The following SMIM17 variants were observed in gnomAD, a reference collection of about 807,000 sequenced individuals.
The protein encoded by SMIM17 is small integral membrane protein 17.
SMIM17 carries 10 observed loss-of-function variants against 12.2 expected under a neutral mutation model. The ratio of observed to expected loss-of-function variants is 0.82; its 90% CI spans 0.50 to 1.39. The LOEUF is 1.39. Among genes scored for constraint, SMIM17 ranks in the 40% most tolerant of loss-of-function variants. SMIM17 has a pLI of 0.00. For missense variants in SMIM17, 136 were observed against 118.2 expected, an observed-to-expected ratio of 1.15 and a Z score of -0.70; for synonymous variants, 50 against 44.1, an observed-to-expected ratio of 1.13 and a Z score of -0.53.
rs888448798 is a variant in SMIM17, at chr19:56,657,118, A to G, written c.*1905A>G. 6.6e-6 allele frequency among the ~76,000 whole-genome samples: 1 copy of G among 152,190 alleles called. No individual in the cohort carries two copies. Among genetic ancestry groups the G allele is most frequent in the Non-Finnish European group, 1.5e-5 (1 of 68,030 alleles). The stretch of plus-strand genomic sequence containing the variant: ...TTATAATCTTTGCTTTATGTACTCA[A>G]CAGCTGTGTAATTCGAGGCATATAA... On this transcript the variant is annotated 3_prime_UTR_variant, in exon 4 of 4. Transcript: ENST00000598409.
chr19:56,649,314 G>A (rs73059486), intron 3 of SMIM17, among the ~76,000 whole-genome samples: 2,666 of 152,264 alleles, frequency 0.018, 37 homozygotes, highest in Non-Finnish European at 0.027. Flanking sequence ...CTCATTGCAC[G>A]TCTATTTCTT....
rs572857222 is a variant in SMIM17, at chr19:56,655,538, A to G, written c.*325A>G. On this transcript the variant is annotated 3_prime_UTR_variant, in exon 4 of 4. Coordinates refer to ENST00000598409, the MANE Select transcript of SMIM17 (RefSeq NM_001193628.2). ...TGAAAAAATGTGCAACTGAAGATCA[A>G]TGAAATCTGGTACATTTCCTAACAT... 47 of 331,228 alleles carry G rather than the reference A, an allele frequency of 1.4e-4. No homozygotes were observed. The highest frequency in any genetic ancestry group is 2.1e-4 in the Non-Finnish European group (38 of 184,158). The allele number at this position is 331,228 out of a possible 1,614,324, so 20.5% of individuals were successfully genotyped here. A position where few individuals can be genotyped will look rare whatever the true frequency, so the allele number is the denominator to read the frequency against.
chr19:56,653,556 A>G (rs2045125706), intron 3 of SMIM17, among the ~76,000 whole-genome samples: 1 of 152,184 alleles, frequency 6.6e-6, no homozygotes, highest in African/African-American at 2.4e-5. Context: ...AGTTGGCCCA[A>G]TTTTACGCAT....
At chr19:56,647,716 T>G (rs948209120) in intron 3 of SMIM17, 82 bp downstream of exon 3, 91 of 1,207,342 alleles carry the variant, frequency 7.5e-5, no homozygotes, top group Middle Eastern at 1.9e-4. Flanking sequence ...ATTCTCAGCT[T>G]GGAATTTACC....
chr19:56,646,116 T>G (rs1015862102), intron 2 of SMIM17, among the ~76,000 whole-genome samples: 5 of 152,156 alleles, frequency 3.3e-5, no homozygotes, highest in African/African-American at 1.2e-4. Flanking sequence ...AGAGAGCTGG[T>G]GAGGCCACTG....
chr19:56,653,745 A>T (rs1318491186), intron 3 of SMIM17, among the ~76,000 whole-genome samples: 1 of 152,218 alleles, frequency 6.6e-6, no homozygotes, highest in African/African-American at 2.4e-5. Flanking sequence ...GTTGTAAAGG[A>T]AGATTTGAAA....
chr19:56,647,483 A>G, intron 2 of SMIM17, 75 bp from the exon 3 acceptor site: 1 of 1,059,394 alleles, frequency 9.4e-7, no homozygotes, highest in South Asian at 1.5e-5. Flanking sequence ...ACAAGATGCC[A>G]GTGGGAAGAG....
In SMIM17 at chr19:56,656,135, G is replaced by A. The variant is rs1423053598; in HGVS notation, c.*922G>A. On this transcript the variant is annotated 3_prime_UTR_variant, in exon 4 of 4. Coordinates refer to ENST00000598409, the MANE Select transcript of SMIM17 (RefSeq NM_001193628.2). ...AATTTTTTGTATTTTTAGTAGAGAC[G>A]GGGTTTCACCGTGTTAGCCAGGATG... Among the ~76,000 whole-genome samples the A allele has an allele frequency of 2.6e-5, 4 of 151,714 alleles. No homozygotes were observed. Among genetic ancestry groups the A allele is most frequent in the Non-Finnish European group, 4.4e-5 (3 of 67,912 alleles).
rs1029124787 is a variant in SMIM17 at position 56,655,937 on chromosome 19, G to A, written c.*724G>A. Among the ~76,000 whole-genome samples, 12 of 148,144 alleles carry A rather than the reference G, an allele frequency of 8.1e-5. No homozygotes were observed. The highest frequency in any genetic ancestry group is 2.2e-4 in the South Asian group (1 of 4,638). On this transcript the variant is annotated 3_prime_UTR_variant, in exon 4 of 4. Transcript: ENST00000598409. ...TTTTACCTCTTGCATTTATTTTGGC[G>A]AATTACAGAGGTTTTTGTTTTTTTT...
chr19:56,645,651 C>A lies in SMIM17; in HGVS notation c.-17C>A. The A allele has an allele frequency of 6.8e-7, 1 of 1,463,462 alleles. No individual in the cohort carries two copies. Among genetic ancestry groups the A allele is most frequent in the Non-Finnish European group, 9.0e-7 (1 of 1,112,718 alleles). 90.7% of individuals were successfully genotyped at this position (1,463,462 alleles called of 1,614,324 possible). ...AAAGAGAAGCTTGTCTCAGAAGCTC[C>A]ACCTCCTCCTGGGGCAATGCAGAGT... On this transcript the variant is annotated 5_prime_UTR_variant, in exon 2 of 4. Coordinates refer to ENST00000598409, the MANE Select transcript of SMIM17 (RefSeq NM_001193628.2).
At chr19:56,651,627 T>C (rs545126340) in intron 3 of SMIM17, among the ~76,000 whole-genome samples, 1 of 152,258 alleles carries the variant, frequency 6.6e-6, no homozygotes, top group East Asian at 1.9e-4. Context: ...ACAGGCCAAA[T>C]TCATCCATAG....
chr19:56,650,725 A>ACGTT (rs1327117807), intron 3 of SMIM17, among the ~76,000 whole-genome samples: 1 of 152,148 alleles, frequency 6.6e-6, no homozygotes, highest in Non-Finnish European at 1.5e-5. Context: ...ACATTTCCAG[A>ACGTT]CCTGTGGAAC....
At chr19:56,643,940 C>T (rs969050535) in intron 1 of SMIM17, among the ~76,000 whole-genome samples, 2 of 152,052 alleles carry the variant, frequency 1.3e-5, no homozygotes, top group Non-Finnish European at 1.5e-5. Flanking sequence ...GTTGTGACTG[C>T]GTCTCCATTC....
intron 3 of SMIM17, among the ~76,000 whole-genome samples, chr19:56,650,804 G>A (rs1469727352): frequency 6.6e-6 from 1 of 152,240 alleles, no homozygotes; most frequent in Non-Finnish European, 1.5e-5. Flanking sequence ...ACAGGGTAGA[G>A]GGAGGTTCTA....
intron 1 of SMIM17, among the ~76,000 whole-genome samples, 182 bp downstream of exon 1, chr19:56,643,392 C>T (rs964636804): frequency 1.3e-5 from 2 of 152,192 alleles, no homozygotes; most frequent in East Asian, 1.9e-4. Flanking sequence ...TCTCCAAGCC[C>T]GTCCGGTGGG....
intron 3 of SMIM17, among the ~76,000 whole-genome samples, chr19:56,651,569 T>C (rs542877196): frequency 1.3e-5 from 2 of 152,236 alleles, no homozygotes; most frequent in South Asian, 2.1e-4. Flanking sequence ...TGCATGAGAT[T>C]TTAAAAAGAT....
chr19:56,646,540 C>G (rs897967922), intron 2 of SMIM17, among the ~76,000 whole-genome samples: 4 of 152,140 alleles, frequency 2.6e-5, no homozygotes, highest in African/African-American at 7.2e-5. Flanking sequence ...ACCCTCCCCC[C>G]ACAGAAAGAA....
chr19:56,655,329 C>G lies in SMIM17; in HGVS notation c.*116C>G. The G allele has an allele frequency of 1.9e-6, 1 of 520,332 alleles. No homozygotes were observed. The highest frequency in any genetic ancestry group is 3.4e-6 in the Non-Finnish European group (1 of 290,464). 32.2% of individuals were successfully genotyped at this position (520,332 alleles called of 1,614,324 possible). On this transcript the variant is annotated 3_prime_UTR_variant, in exon 4 of 4. Transcript: ENST00000598409. ...ATAGGTGTTGAATATTTTCAAATGCCTTTCAAACATCCTTTGAGATGATTT... is the reference window on the plus strand; with the variant it reads ...ATAGGTGTTGAATATTTTCAAATGCGTTTCAAACATCCTTTGAGATGATTT...
rs536353142 is a variant in SMIM17, at chr19:56,656,186, C to T, written c.*973C>T. Among the ~76,000 whole-genome samples, 145 of 152,072 alleles carry T rather than the reference C, an allele frequency of 9.5e-4. No homozygotes were observed. Among genetic ancestry groups the T allele is most frequent in the African/African-American group, 3.2e-3 (131 of 41,530 alleles). On this transcript the variant is annotated 3_prime_UTR_variant, in exon 4 of 4. Coordinates refer to ENST00000598409, the MANE Select transcript of SMIM17 (RefSeq NM_001193628.2). ...GTCTCGATCTCCTGACCTCGTGATC[C>T]GCCCGCCTTGGCCTCCCAAAGTGCT...
Sources: gnomAD v4.1 joint callset for allele counts (sites outside exome capture counted in the v4.1 genomes callset) on GRCh38, gnomAD v4.1.1 for gene constraint, MANE v1.5 for transcripts, NCBI Gene and HGNC (gene_info 2026-07-23, HGNC 2026-07-21) for gene names.